The following MICAL2 variants were observed in gnomAD, a reference collection of about 807,000 sequenced individuals.
MICAL2 encodes the protein [F-actin]-monooxygenase MICAL2.
MICAL2 carries 77 observed loss-of-function variants against 127.3 expected under a neutral mutation model. The ratio of observed to expected loss-of-function variants is 0.60; its 90% CI spans 0.50 to 0.73. The LOEUF (loss-of-function observed/expected upper bound fraction) is 0.73, where lower values mean the gene tolerates loss of function less well. Among genes scored for constraint, MICAL2 ranks in the 30% least tolerant of loss-of-function variants. The pLI is 0.00. For missense variants in MICAL2, 1,351 were observed against 1,434.4 expected, an observed-to-expected ratio of 0.94 and a Z score of 0.94; for synonymous variants, 570 against 551.1, an observed-to-expected ratio of 1.03 and a Z score of -0.48.
downstream of MICAL2, among the ~76,000 whole-genome samples, chr11:12,360,660 A>G (rs1371013931): frequency 1.3e-5 from 2 of 152,298 alleles, no homozygotes; most frequent in Middle Eastern, 3.4e-3. Context: ...AATTTGTTAT[A>G]TTTCCATCCT....
At chr11:12,146,651 T>C (rs1454469314) in intron 2 of MICAL2, among the ~76,000 whole-genome samples, 1 of 152,202 alleles carries the variant, frequency 6.6e-6, no homozygotes, top group Non-Finnish European at 1.5e-5. Flanking sequence ...GAAGACAGTG[T>C]GGCGAGTCCT....
chr11:12,285,124 G>C (rs1863811087), intron 2 of MICAL2, among the ~76,000 whole-genome samples: 2 of 152,192 alleles, frequency 1.3e-5, no homozygotes, highest in South Asian at 4.1e-4. Context: ...TGATTGGTCA[G>C]GTCAGAGATG....
At chr11:12,194,818 G>T (rs544149765) in intron 3 of MICAL2, among the ~76,000 whole-genome samples, 2 of 152,162 alleles carry the variant, frequency 1.3e-5, no homozygotes, top group African/African-American at 4.8e-5. Flanking sequence ...TTAGAAGAAT[G>T]ACCATTCACA....
intron 26 of MICAL2, 168 bp downstream of exon 26, chr11:12,260,065 C>T: frequency 6.5e-7 from 1 of 1,538,538 alleles, no homozygotes; most frequent in Non-Finnish European, 8.7e-7. Context: ...GCTGCCACTC[C>T]TCTGGGCGTT....
chr11:12,260,864 T>C, intron 26 of MICAL2: 2 of 985,436 alleles, frequency 2.0e-6, no homozygotes, highest in South Asian at 4.7e-5. Flanking sequence ...CACAGCCAAA[T>C]GACAAAGAAC....
At chr11:12,284,733 AG>A (rs1417550065) in intron 2 of MICAL2, among the ~76,000 whole-genome samples, 1 of 152,202 alleles carries the variant, frequency 6.6e-6, no homozygotes, top group East Asian at 1.9e-4. Context: ...TGGAAAGCCC[AG>A]GCAGCCAGCA....
intron 29 of MICAL2, among the ~76,000 whole-genome samples, chr11:12,310,790 T>C (rs1864164869): frequency 1.3e-5 from 2 of 152,214 alleles, no homozygotes; most frequent in African/African-American, 4.8e-5. Flanking sequence ...ACGATATTCT[T>C]CCATTTCATG....
chr11:12,247,036 C>T (rs1045312783), intron 21 of MICAL2, among the ~76,000 whole-genome samples: 10 of 152,160 alleles, frequency 6.6e-5, no homozygotes, highest in African/African-American at 2.2e-4. Flanking sequence ...GGCTGGAGAG[C>T]TCTTCCTGTG....
rs780205077 is a variant in MICAL2 at position 12,242,414 on chromosome 11, G to T, written c.2538G>T (p.Val846=). 2 of 1,607,444 alleles carry T rather than the reference G, an allele frequency of 1.2e-6. No individual in the cohort carries two copies. The highest frequency in any genetic ancestry group is 1.7e-6 in the Non-Finnish European group (2 of 1,175,622). ...GGGTGCTGTGGCGGCTGCAGCAAGT[G>T]GAGGAAAAGATTCTCCAGGTGAGAG... ...LSGVLWRLQQ[V]EEKILQKRAQ... The change falls in exon 19 of 28, where the codon GTG becomes GTT. Residue 846 remains valine (V), a synonymous_variant. Coordinates refer to ENST00000683283, the MANE Select transcript of MICAL2 (RefSeq NM_001282663.2).
At chr11:12,212,835 C>G (rs1590379492) in intron 6 of MICAL2, among the ~76,000 whole-genome samples, 1 of 152,174 alleles carries the variant, frequency 6.6e-6, no homozygotes, top group East Asian at 1.9e-4. Flanking sequence ...TGCAGGAATT[C>G]AATGTGATCT....
intron 3 of MICAL2, among the ~76,000 whole-genome samples, chr11:12,177,840 A>G (rs964658243): frequency 6.6e-6 from 1 of 152,162 alleles, no homozygotes; most frequent in Non-Finnish European, 1.5e-5. Flanking sequence ...TTTGCCTGTC[A>G]CCCTCATGAA....
chr11:12,130,633 A>T, intron 1 of MICAL2, among the ~76,000 whole-genome samples: 1 of 152,174 alleles, frequency 6.6e-6, no homozygotes, highest in Non-Finnish European at 1.5e-5. Context: ...GTCCAGCAAG[A>T]CAGGGACCCT....
downstream of MICAL2, among the ~76,000 whole-genome samples, chr11:12,265,846 T>C (rs1863606134): frequency 6.6e-6 from 1 of 152,182 alleles, no homozygotes; most frequent in African/African-American, 2.4e-5. Flanking sequence ...CCAGGTGCGG[T>C]AGCTCACACC....
At chr11:12,294,350 G>A (rs1405087688), downstream of MICAL2, 1 of 1,614,188 alleles carries the variant, frequency 6.2e-7, no homozygotes, top group South Asian at 1.1e-5. Flanking sequence ...GCCCGCACAG[G>A]CCTGCACTCG....
chr11:12,142,302 GA>G (rs1221415255), intron 2 of MICAL2, among the ~76,000 whole-genome samples: 3 of 152,250 alleles, frequency 2.0e-5, no homozygotes, highest in Admixed American at 1.3e-4. Flanking sequence ...TGTATTTAGT[GA>G]CTTAACACTG....
At chr11:12,204,166 C>G in intron 3 of MICAL2, 84 bp from the exon 4 acceptor site, 1 of 1,320,792 alleles carries the variant, frequency 7.6e-7, no homozygotes, top group Admixed American at 1.8e-5. Context: ...GTGGGATTTG[C>G]GCTTCAGTTT....
chr11:12,331,953 C>G (rs1013078073), intron 32 of MICAL2, among the ~76,000 whole-genome samples: 1 of 152,130 alleles, frequency 6.6e-6, no homozygotes, highest in Non-Finnish European at 1.5e-5. Flanking sequence ...TAACTATACT[C>G]CCTACAAGAG....
intron 2 of MICAL2, among the ~76,000 whole-genome samples, chr11:12,153,521 T>C (rs1485564558): frequency 1.3e-5 from 2 of 152,120 alleles, no homozygotes; most frequent in African/African-American, 2.4e-5. Context: ...GACTGCAACC[T>C]CCACCTCCCA....
intron 3 of MICAL2, among the ~76,000 whole-genome samples, chr11:12,201,486 G>A (rs1012152739): frequency 5.9e-5 from 9 of 151,536 alleles, no homozygotes; most frequent in East Asian, 2.0e-4. Flanking sequence ...GAGTGGGTGC[G>A]CATTCCCTTG....
Sources: gnomAD v4.1 joint callset for allele counts (sites outside exome capture counted in the v4.1 genomes callset) on GRCh38, gnomAD v4.1.1 for gene constraint, MANE v1.5 for transcripts, NCBI Gene and HGNC (gene_info 2026-07-23, HGNC 2026-07-21) for gene names.